RBM20: variants seen among roughly 807,000 people sequenced by gnomAD.
The protein encoded by RBM20 is RNA binding motif protein 20.
RBM20 carries 51 observed loss-of-function variants against 110.1 expected under a neutral mutation model. The observed-to-expected ratio is 0.46, with a 90% confidence interval of 0.37 to 0.59. The LOEUF is 0.59. Ranked by LOEUF, RBM20 falls within the 20% of genes least tolerant of loss-of-function variation. The probability of loss-of-function intolerance (pLI) is 0.00; values close to 1 mark genes in which losing one functional copy is unlikely to be tolerated. For synonymous variants in RBM20, 589 were observed against 618.2 expected (o/e 0.95, Z 0.70); for missense variants, 1,512 against 1,574.9 (o/e 0.96, Z 0.68).
At chr10:110,746,140 A>ACTAGAAT (rs1172319558) in intron 1 of RBM20, among the ~76,000 whole-genome samples, 2 of 152,170 alleles carry the variant, frequency 1.3e-5, no homozygotes, top group Non-Finnish European at 2.9e-5. Context: ...TTCTCTCTCC[A>ACTAGAAT]CTAGAATCTC....
chr10:110,709,774 G>A (rs955218123), intron 1 of RBM20, among the ~76,000 whole-genome samples: 8 of 151,672 alleles, frequency 5.3e-5, no homozygotes, highest in African/African-American at 1.9e-4. Flanking sequence ...GTCTCATTTT[G>A]TTGCCAGGCG....
intron 1 of RBM20, among the ~76,000 whole-genome samples, chr10:110,696,639 G>A (rs1204466660): frequency 6.6e-6 from 1 of 152,170 alleles, no homozygotes; most frequent in Non-Finnish European, 1.5e-5. Context: ...GTGGGCTGGG[G>A]TGGAGTAGGA....
At chr10:110,746,924 A>C (rs1843787542) in intron 1 of RBM20, among the ~76,000 whole-genome samples, 1 of 152,240 alleles carries the variant, frequency 6.6e-6, no homozygotes, top group Non-Finnish European at 1.5e-5. Flanking sequence ...TGATGTAAAT[A>C]ATTCTATACC....
At chr10:110,721,671 G>T (rs1843508574) in intron 1 of RBM20, among the ~76,000 whole-genome samples, 1 of 152,084 alleles carries the variant, frequency 6.6e-6, no homozygotes, top group African/African-American at 2.4e-5. Flanking sequence ...TCCGACTGTG[G>T]TTCTGCTTGT....
At chr10:110,709,150 A>T (rs1188039439) in intron 1 of RBM20, among the ~76,000 whole-genome samples, 1 of 152,176 alleles carries the variant, frequency 6.6e-6, no homozygotes, top group Non-Finnish European at 1.5e-5. Flanking sequence ...ATCCTGATGC[A>T]GGGTCAGGTT....
intron 12 of RBM20, among the ~76,000 whole-genome samples, chr10:110,825,021 A>G (rs7900272): frequency 0.04 from 3,350 of 83,306 alleles, 59 homozygotes; most frequent in African/African-American, 0.063. Context: ...CCATTTTTAT[A>G]GTCAGATCTG....
intron 1 of RBM20, among the ~76,000 whole-genome samples, chr10:110,653,944 A>C (rs1464146142): frequency 6.6e-6 from 1 of 152,214 alleles, no homozygotes; most frequent in Non-Finnish European, 1.5e-5. Flanking sequence ...AGAATGAACC[A>C]TGATATGGCT....
At chr10:110,794,560 A>G (rs1376735622) in intron 5 of RBM20, among the ~76,000 whole-genome samples, 3 of 152,350 alleles carry the variant, frequency 2.0e-5, no homozygotes, top group Non-Finnish European at 2.9e-5. Context: ...TGAGGGATCA[A>G]TATCTTGGCA....
chr10:110,797,487 A>G lies in RBM20; in HGVS notation c.1528-21A>G, dbSNP rs1053725770. The G allele has an allele frequency of 5.2e-6, 8 of 1,537,894 alleles. No individual in the cohort carries two copies. The East Asian group carries it at 1.5e-4, about 28-fold the overall frequency. ...AGGGAACCGTCTTCTGAATACCACT[A>G]ATGATCTTTGTTCCCATTAGTTTGC... On this transcript the variant is annotated intron_variant, in intron 5 of 13. Transcript: ENST00000369519.
intron 10 of RBM20, among the ~76,000 whole-genome samples, chr10:110,820,503 G>A (rs990425358): frequency 1.3e-5 from 2 of 152,252 alleles, no homozygotes; most frequent in Admixed American, 6.5e-5. Context: ...CCTTGGCGGG[G>A]ATGGGGCGAG....
chr10:110,805,095 A>G (rs1364101826), intron 7 of RBM20, among the ~76,000 whole-genome samples: 3 of 152,224 alleles, frequency 2.0e-5, no homozygotes, highest in African/African-American at 4.8e-5. Flanking sequence ...ACAAAGCAAT[A>G]CAAGACATGG....
At chr10:110,805,442 C>T (rs1035736556) in intron 7 of RBM20, among the ~76,000 whole-genome samples, 1 of 152,146 alleles carries the variant, frequency 6.6e-6, no homozygotes, top group Non-Finnish European at 1.5e-5. Context: ...TCAGTGTCTT[C>T]CCAGGACTCT....
chr10:110,688,669 G>T (rs1330450125), intron 1 of RBM20, among the ~76,000 whole-genome samples: 1 of 152,074 alleles, frequency 6.6e-6, no homozygotes, highest in Non-Finnish European at 1.5e-5. Context: ...TACTAAAAAA[G>T]CTACAAATCA....
chr10:110,656,783 CTG>C (rs746361173), intron 1 of RBM20, among the ~76,000 whole-genome samples: 2 of 152,214 alleles, frequency 1.3e-5, no homozygotes, highest in Admixed American at 6.5e-5. Context: ...TTCATCCATA[CTG>C]TGTCATGTGT....
chr10:110,766,917 C>T (rs1844095546), intron 1 of RBM20, among the ~76,000 whole-genome samples: 1 of 148,958 alleles, frequency 6.7e-6, no homozygotes, highest in Admixed American at 6.6e-5. Flanking sequence ...CAGAGGCGCC[C>T]CTCACCTCCC....
At chr10:110,691,301 G>A (rs771654054) in intron 1 of RBM20, among the ~76,000 whole-genome samples, 4 of 152,204 alleles carry the variant, frequency 2.6e-5, no homozygotes, top group South Asian at 2.1e-4. Flanking sequence ...ATAGCACCTC[G>A]AATTGACTAA....
chr10:110,684,259 G>A (rs942137717), intron 1 of RBM20, among the ~76,000 whole-genome samples: 2 of 152,122 alleles, frequency 1.3e-5, no homozygotes, highest in Non-Finnish European at 2.9e-5. Flanking sequence ...GCCGGGTGTG[G>A]TGGAGCACAC....
At position 110,781,417 on chromosome 10, in the gene RBM20, A is replaced by C. The variant is rs1208748760; in HGVS notation, c.808A>C (p.Thr270Pro). ...GACCTATGAAGGGCACTACAGCCAC[A>C]CAGGGCAGGATGGTCAAGCTGCCTT... ...SVTYEGHYSHTGQDGQAAFSK... is the reference protein window; with the variant it reads ...SVTYEGHYSHPGQDGQAAFSK... Residue 270 changes from threonine (T) to proline (P), a missense_variant, in exon 2 of 14, where the codon ACA becomes CCA. This residue lies in a region of RBM20 where 1,149 missense variants were observed against 1,169.4 expected (regional missense o/e 0.98). Coordinates refer to ENST00000369519, the MANE Select transcript of RBM20 (RefSeq NM_001134363.3). The C allele has an allele frequency of 1.3e-6, 2 of 1,551,676 alleles. No individual in the cohort carries two copies. Among genetic ancestry groups the C allele is most frequent in the Non-Finnish European group, 1.7e-6 (2 of 1,146,996 alleles).
intron 5 of RBM20, among the ~76,000 whole-genome samples, chr10:110,793,111 A>G (rs1256268965): frequency 6.6e-6 from 1 of 152,216 alleles, no homozygotes; most frequent in Non-Finnish European, 1.5e-5. Context: ...CCTATAGGTC[A>G]TCTCCCTCGT....
Sources: gnomAD v4.1 joint callset for allele counts (sites outside exome capture counted in the v4.1 genomes callset) on GRCh38, gnomAD v4.1.1 for gene constraint, gnomAD v4.1.1 regional missense constraint, MANE v1.5 for transcripts, NCBI Gene and HGNC (gene_info 2026-07-23, HGNC 2026-07-21) for gene names.